The following TNK2 variants were observed in gnomAD, a reference collection of about 807,000 sequenced individuals.
TNK2 encodes activated CDC42 kinase 1.
A neutral mutation model predicts 101.8 loss-of-function variants in TNK2; 83 were observed. That is an observed-to-expected ratio of 0.82 (90% CI 0.68 to 0.98). The LOEUF is 0.98. TNK2 is among the 50% of genes least tolerant of loss of function. The pLI, the probability that TNK2 is intolerant of heterozygous loss-of-function variation, is 0.00. For missense variants in TNK2, 1,665 were observed against 1,483.2 expected, an observed-to-expected ratio of 1.12 and a Z score of -2.01; for synonymous variants, 804 against 633.0, an observed-to-expected ratio of 1.27 and a Z score of -4.06.
chr3:195,888,529 T>C lies in TNK2; in HGVS notation c.60A>G (p.Gln20=). Residue 20 remains glutamine (Q), a synonymous_variant, in exon 2 of 16, where the codon CAA becomes CAG. Transcript: ENST00000672887. The surrounding 1 kb of genome is among the most constrained non-coding windows in gnomAD (Gnocchi z 5.3). ...LLELLSEVQL[Q]QYFLRLRDDL... is the part of the protein sequence containing the mutation. ...CATCTCGGAGCCGCAGGAAGTACTG[T>C]TGCAGCTGCACCTCGGACAGCAGCT... 3 of 1,613,406 alleles carry C rather than the reference T, an allele frequency of 1.9e-6. No homozygotes were observed. The highest frequency in any genetic ancestry group is 2.7e-5 in the African/African-American group (2 of 74,998).
At chr3:195,896,076 A>T (rs1296334901) in intron 1 of TNK2, 1 of 455,400 alleles carries the variant, frequency 2.2e-6, no homozygotes, top group Non-Finnish European at 4.4e-6. Context: ...GAGCGGTGAC[A>T]CGAGGGCCCG....
At chr3:195,875,768 G>T (rs911636563) in intron 9 of TNK2, among the ~76,000 whole-genome samples, 5 of 152,166 alleles carry the variant, frequency 3.3e-5, no homozygotes, top group African/African-American at 1.2e-4. Flanking sequence ...GGGGGAGCAG[G>T]AAAAGGGCCC....
intron 10 of TNK2, 112 bp downstream of exon 10, chr3:195,872,164 G>T: frequency 1.6e-6 from 2 of 1,258,300 alleles, no homozygotes; most frequent in Non-Finnish European, 2.2e-6. Context: ...CGGGTCGGGG[G>T]CTGAAGCCCG....
Position 195,884,843 on chromosome 3 carries a change from C to T in TNK2, c.425G>A (p.Arg142Lys). Residue 142 changes from arginine (R) to lysine (K), a missense_variant, in exon 4 of 16, where the codon AGG becomes AAG. Arg to Lys is a conservative substitution (Grantham distance 26, BLOSUM62 2). Coordinates refer to ENST00000672887, the MANE Select transcript of TNK2 (RefSeq NM_001382273.1). ...LGDGSFGVVR[R>K]GEWDAPSGKT... ...CCCTGAGGGCGCGTCCCACTCGCCC[C>T]TGCGCACCACGCCAAAGGAACCATC... The T allele has an allele frequency of 6.2e-7, 1 of 1,612,948 alleles. No individual in the cohort carries two copies. The highest frequency in any genetic ancestry group is 8.5e-7 in the Non-Finnish European group (1 of 1,179,940).
At chr3:195,904,208 T>C (rs1161438965) in intron 1 of TNK2, among the ~76,000 whole-genome samples, 1 of 146,386 alleles carries the variant, frequency 6.8e-6, no homozygotes, top group Non-Finnish European at 1.5e-5. Flanking sequence ...CAGTGAGCCA[T>C]GATCACACCA....
At chr3:195,903,065 T>TAATGGTGAGAGACTAAA (rs1228911202) in intron 1 of TNK2, among the ~76,000 whole-genome samples, 5 of 145,924 alleles carry the variant, frequency 3.4e-5, no homozygotes, top group East Asian at 2.1e-4. Flanking sequence ...ACACCACTTT[T>TAATGGTGAGAGACTAAA]TTTTTTTCTT....
intron 6 of TNK2, among the ~76,000 whole-genome samples, chr3:195,881,703 A>G (rs182718314): frequency 1.5e-3 from 173 of 112,470 alleles, no homozygotes; most frequent in Middle Eastern, 7.5e-3. Context: ...CCCGCCAGCA[A>G]TGCCCCTTGG....
intron 1 of TNK2, chr3:195,896,201 C>G: frequency 4.6e-6 from 2 of 433,704 alleles, no homozygotes; most frequent in African/African-American, 2.1e-5. Flanking sequence ...TCCTCTCCCC[C>G]GGGGCCCCAA....
Position 195,885,361 on chromosome 3 carries a change from C to T in TNK2, c.235-328G>A, listed in dbSNP as rs939489019. 1 of 1,368,300 alleles carries T rather than the reference C, an allele frequency of 7.3e-7. No individual in the cohort carries two copies. The highest frequency in any genetic ancestry group is 9.6e-7 in the Non-Finnish European group (1 of 1,045,018). The allele number at this position is 1,368,300 out of a possible 1,614,324, so 84.8% of individuals were successfully genotyped here. A position where few individuals can be genotyped will look rare whatever the true frequency, so the allele number is the denominator to read the frequency against. ...CCAAGGTCGGAGTCTCCTCCCAGTCCTGCCCCACCCTCCCTTCCTGCACCC... is the reference window on the plus strand; with the variant it reads ...CCAAGGTCGGAGTCTCCTCCCAGTCTTGCCCCACCCTCCCTTCCTGCACCC... On this transcript the variant is annotated intron_variant, in intron 3 of 15. Transcript: ENST00000672887. This position sits in a 1 kb window ranked among gnomAD's most constrained non-coding sequence, Gnocchi z 4.7.
At chr3:195,876,716 G>A in intron 9 of TNK2, 1 of 446,378 alleles carries the variant, frequency 2.2e-6, no homozygotes, top group Non-Finnish European at 4.5e-6. Context: ...CAGCCACAGG[G>A]AACCAGCGGC....
At position 195,883,197 on chromosome 3, in the gene TNK2, A is replaced by T; in HGVS notation, c.569T>A (p.Ile190Asn). Reference protein sequence around the residue: ...AMHSLDHRNLIRLYGVVLTPP... With the variant: ...AMHSLDHRNLNRLYGVVLTPP... Reference sequence around the variant, plus strand: ...CGTGAGCACCACCCCGTAGAGGCGGATGAGGTTTCGGTGGTCGAGCGAGTG... The same window carrying T: ...CGTGAGCACCACCCCGTAGAGGCGGTTGAGGTTTCGGTGGTCGAGCGAGTG... Residue 190 changes from isoleucine (I) to asparagine (N), a missense_variant, in exon 5 of 16, where the codon ATC (isoleucine) becomes AAC (asparagine). Transcript: ENST00000672887. 4 of 1,585,136 alleles carry T rather than the reference A, an allele frequency of 2.5e-6. No individual in the cohort carries two copies. The highest frequency in any genetic ancestry group is 3.4e-6 in the Non-Finnish European group (4 of 1,166,534).
intron 9 of TNK2, among the ~76,000 whole-genome samples, chr3:195,875,866 G>A (rs1577034302): frequency 2.0e-5 from 3 of 152,308 alleles, no homozygotes; most frequent in South Asian, 2.1e-4. Flanking sequence ...AACAGAGGCC[G>A]GTGCTGAGAA....
chr3:195,877,542 G>A (rs1043706507), intron 9 of TNK2, among the ~76,000 whole-genome samples: 3 of 152,142 alleles, frequency 2.0e-5, no homozygotes, highest in South Asian at 2.1e-4. Flanking sequence ...CTTCTTCCTG[G>A]TCCTCAATAC....
At chr3:195,906,076 G>A (rs1036823499) in intron 1 of TNK2, among the ~76,000 whole-genome samples, 3 of 152,152 alleles carry the variant, frequency 2.0e-5, no homozygotes, top group African/African-American at 7.2e-5. Flanking sequence ...GAAGATGCCC[G>A]ACAACATGAG....
chr3:195,869,441 A>G (rs543877991), intron 12 of TNK2, 56 bp downstream of exon 12: 2 of 1,234,666 alleles, frequency 1.6e-6, no homozygotes, highest in South Asian at 1.3e-5. Flanking sequence ...CCAGGAGAGG[A>G]GTGAGAGAGA....
rs142207704 is a variant in TNK2 at position 195,888,170 on chromosome 3, G to A, written c.163+256C>T. The stretch of plus-strand genomic sequence containing the variant: ...GGGCAATGGAGGACATACACTCTAC[G>A]TGAGAACAATCACAACGGGGCATGG... On this transcript the variant is annotated intron_variant, in intron 2 of 15. Coordinates refer to ENST00000672887, the MANE Select transcript of TNK2 (RefSeq NM_001382273.1). This position sits in a 1 kb window ranked among gnomAD's most constrained non-coding sequence, Gnocchi z 5.3. Among the ~76,000 whole-genome samples the A allele has an allele frequency of 5.9e-5, 9 of 152,278 alleles. No homozygotes were observed. The highest frequency in any genetic ancestry group is 4.1e-4 in the South Asian group (2 of 4,824).
At chr3:195,883,648 CTT>C (rs1449168264) in intron 4 of TNK2, 5 of 226,060 alleles carry the variant, frequency 2.2e-5, no homozygotes, top group Non-Finnish European at 3.7e-5. Flanking sequence ...CAGTCTCGCT[CTT>C]GTCGCCCAGG....
intron 1 of TNK2, chr3:195,895,111 C>T (rs12491213): frequency 0.095 from 76,573 of 806,138 alleles, 5,471 homozygotes; most frequent in East Asian, 0.38. Context: ...AAACACACCG[C>T]TCTCTGTCCC....
rs1760186731 is a variant in TNK2 at position 195,895,409 on chromosome 3, T to G, written c.-18-6803A>C. On this transcript the variant is annotated intron_variant, in intron 1 of 15. Transcript: ENST00000672887. ...GCCCTGCGTCCTGGGGGGCCGGGCC[T>G]CGAGCATCCTCCAGAAGTGCAGGGC... 6 of 1,529,854 alleles carry G rather than the reference T, an allele frequency of 3.9e-6. No individual in the cohort carries two copies. In the East Asian group the frequency reaches 1.3e-4, roughly 34 times the overall value. The allele number at this position is 1,529,854 out of a possible 1,614,324, so 94.8% of individuals were successfully genotyped here.
Sources: gnomAD v4.1 joint callset for allele counts (sites outside exome capture counted in the v4.1 genomes callset) on GRCh38, gnomAD v4.1.1 for gene constraint, Gnocchi (gnomAD v3.1) non-coding constraint, MANE v1.5 for transcripts, NCBI Gene and HGNC (gene_info 2026-07-23, HGNC 2026-07-21) for gene names.